Variants in LIPC observed in about 807,000 individuals in gnomAD.
LIPC encodes the protein lipase C, hepatic type, also known as hepatic triacylglycerol lipase.
In LIPC, 44 loss-of-function variants were observed where a neutral mutation model predicts 50.7. The ratio of observed to expected loss-of-function variants is 0.87; its 90% CI spans 0.68 to 1.11. LIPC has a LOEUF of 1.11. LIPC is among the 50% of genes most tolerant of loss of function. The pLI, the probability that LIPC is intolerant of heterozygous loss-of-function variation, is 0.00. For synonymous variants in LIPC, 271 were observed against 256.4 expected, an observed-to-expected ratio of 1.06 and a Z score of -0.54; for missense variants, 697 against 648.2, an observed-to-expected ratio of 1.08 and a Z score of -0.82.
intron 1 of LIPC, among the ~76,000 whole-genome samples, chr15:58,496,013 G>C (rs1436318295): frequency 1.3e-5 from 2 of 152,194 alleles, no homozygotes; most frequent in South Asian, 2.1e-4. Flanking sequence ...AGCTTGAGGA[G>C]ATTAAGTTAC....
rs886954247 is a variant in LIPC at position 58,518,334 on chromosome 15, G to A, written c.89-19999G>A. 3.3e-5 allele frequency among the ~76,000 whole-genome samples: 5 copies of A among 152,204 alleles called. No individual in the cohort carries two copies. In the South Asian group the frequency reaches 6.2e-4, roughly 19 times the overall value. On this transcript the variant is annotated intron_variant, in intron 1 of 8. Transcript: ENST00000299022. ...AATGATGCCTGAGAATGCTGTCCAC[G>A]TGTTTGAGAAAGCAGTGGTGATTAA...
At chr15:58,492,153 TC>T (rs1375232045) in intron 1 of LIPC, among the ~76,000 whole-genome samples, 1 of 151,986 alleles carries the variant, frequency 6.6e-6, no homozygotes, top group African/African-American at 2.4e-5. Flanking sequence ...ACAAGCACCC[TC>T]CCCAGATGGC....
chr15:58,445,083 G>A (rs1479021054), intron 1 of LIPC, among the ~76,000 whole-genome samples: 1 of 152,224 alleles, frequency 6.6e-6, no homozygotes, highest in African/African-American at 2.4e-5. Context: ...CTGGCCGGCC[G>A]CTAGCAGGGT....
chr15:58,448,266 C>T (rs1171027016), intron 1 of LIPC, among the ~76,000 whole-genome samples: 1 of 152,224 alleles, frequency 6.6e-6, no homozygotes, highest in Non-Finnish European at 1.5e-5. Flanking sequence ...CAAAAGGTTT[C>T]TAAGCAGTTT....
At chr15:58,515,900 G>A (rs774102900) in intron 1 of LIPC, among the ~76,000 whole-genome samples, 17 of 152,064 alleles carry the variant, frequency 1.1e-4, no homozygotes, top group Admixed American at 8.5e-4. Context: ...TCTAGAACTC[G>A]GATCTCTTCT....
At chr15:58,528,225 G>A (rs1566939554) in intron 1 of LIPC, among the ~76,000 whole-genome samples, 1 of 151,654 alleles carries the variant, frequency 6.6e-6, no homozygotes, top group South Asian at 2.1e-4. Context: ...GTTTATCTTT[G>A]CCCAGATTCC....
intron 1 of LIPC, among the ~76,000 whole-genome samples, chr15:58,475,636 G>T (rs1000475960): frequency 6.6e-6 from 1 of 152,114 alleles, no homozygotes; most frequent in Non-Finnish European, 1.5e-5. Flanking sequence ...TGCAACCATT[G>T]GCTCACACAT....
chr15:58,542,701 C>T, intron 4 of LIPC, 50 bp downstream of exon 4: 1 of 1,188,302 alleles, frequency 8.4e-7, no homozygotes, highest in South Asian at 1.2e-5. Context: ...ATAGGGGCAT[C>T]CAACAAGGAC....
rs1274474634 is a variant in LIPC, at chr15:58,563,572, CTGATCA to C, written c.1244_1249del (p.Met415_Ile416del). On this transcript the variant is annotated inframe_deletion, in exon 8 of 9. Transcript: ENST00000299022. ...CACGCTGGATGTGGATATCGGCGAGCTGATCATGATCAAGTTCAAGTGGGAAAACAG... is the reference window on the plus strand; with the variant it reads ...CACGCTGGATGTGGATATCGGCGAGCTGATCAAGTTCAAGTGGGAAAACAG... The C allele has an allele frequency of 6.2e-7, 1 of 1,614,164 alleles. No homozygotes were observed. The highest frequency in any genetic ancestry group is 1.7e-5 in the Admixed American group (1 of 60,028).
chr15:58,441,250 T>C (rs1297039471), intron 1 of LIPC, among the ~76,000 whole-genome samples: 1 of 152,256 alleles, frequency 6.6e-6, no homozygotes. Context: ...TGAATTGCTA[T>C]GCTTAACACT....
rs573635926 is a variant in LIPC at position 58,506,787 on chromosome 15, G to A, written c.89-31546G>A. 1.6e-4 allele frequency among the ~76,000 whole-genome samples: 25 copies of A among 152,286 alleles called. No individual in the cohort carries two copies. The Middle Eastern group carries it at 0.01, about 62-fold the overall frequency. On this transcript the variant is annotated intron_variant, in intron 1 of 8. Coordinates refer to ENST00000299022, the MANE Select transcript of LIPC (RefSeq NM_000236.3). ...GGGAAGATGCTACAGGTGTGGGGGT[G>A]TGTTAGTCCATTCTCACACTGCTAA...
At chr15:58,565,758 T>A in intron 8 of LIPC, 1 of 990,594 alleles carries the variant, frequency 1.0e-6, no homozygotes, top group African/African-American at 1.7e-5. Context: ...CTAGCAGAGT[T>A]GCAGTGCTGG....
chr15:58,513,898 T>C (rs1411381139), intron 1 of LIPC, among the ~76,000 whole-genome samples: 2 of 152,198 alleles, frequency 1.3e-5, no homozygotes, highest in Non-Finnish European at 2.9e-5. Context: ...CCATTTGCTC[T>C]TAGATACACA....
At chr15:58,501,477 C>A (rs1157065009) in intron 1 of LIPC, among the ~76,000 whole-genome samples, 2 of 151,456 alleles carry the variant, frequency 1.3e-5, no homozygotes, top group Admixed American at 1.3e-4. Context: ...GAAACATTTT[C>A]CATGTATTTT....
intron 1 of LIPC, among the ~76,000 whole-genome samples, chr15:58,514,007 G>A (rs1595911213): frequency 6.6e-6 from 1 of 152,188 alleles, no homozygotes; most frequent in East Asian, 1.9e-4. Context: ...GTGACAGGCT[G>A]GAATATGATG....
chr15:58,553,365 G>A (rs1893827354), intron 6 of LIPC, among the ~76,000 whole-genome samples: 1 of 152,220 alleles, frequency 6.6e-6, no homozygotes, highest in African/African-American at 2.4e-5. Context: ...GGAGGCCAAG[G>A]TGGGAGGATC....
chr15:58,525,481 T>G (rs1054520446), intron 1 of LIPC, among the ~76,000 whole-genome samples: 1 of 152,234 alleles, frequency 6.6e-6, no homozygotes, highest in Middle Eastern at 3.2e-3. Context: ...TTTTATTCTC[T>G]TCTCTCCTAC....
chr15:58,443,261 G>A (rs896798236), intron 1 of LIPC, among the ~76,000 whole-genome samples: 2 of 152,104 alleles, frequency 1.3e-5, no homozygotes, highest in African/African-American at 2.4e-5. Flanking sequence ...CTCAACTTCC[G>A]TGGGTCTGGC....
At chr15:58,505,901 T>C (rs1428156254) in intron 1 of LIPC, among the ~76,000 whole-genome samples, 2 of 65,910 alleles carry the variant, frequency 3.0e-5, no homozygotes, top group Non-Finnish European at 7.2e-5. Flanking sequence ...AGGGAGCCAG[T>C]ACCATACAGC....
Sources: gnomAD v4.1 joint callset for allele counts (sites outside exome capture counted in the v4.1 genomes callset) on GRCh38, gnomAD v4.1.1 for gene constraint, MANE v1.5 for transcripts, NCBI Gene and HGNC (gene_info 2026-07-23, HGNC 2026-07-21) for gene names.